The following FGF13 variants were observed in gnomAD, a reference collection of about 807,000 sequenced individuals.
FGF13 encodes fibroblast growth factor 13.
A neutral mutation model predicts 19.5 loss-of-function variants in FGF13; 2 were observed. The ratio of observed to expected loss-of-function variants is 0.10; its 90% CI spans 0.04 to 0.32. FGF13 has a LOEUF of 0.32. Ranked by LOEUF, FGF13 falls within the 10% of genes least tolerant of loss-of-function variation. The pLI is 1.00. For synonymous variants in FGF13, 72 were observed against 76.9 expected (o/e 0.94, Z 0.33); for missense variants, 113 against 192.7 (o/e 0.59, Z 2.45).
intron 3 of FGF13, among the ~76,000 whole-genome samples, chrX:138,753,638 C>T (rs1406089688): frequency 8.9e-6 from 1 of 111,879 alleles, no homozygotes; most frequent in African/African-American, 3.2e-5. Flanking sequence ...GAGTGTAAGA[C>T]TGAACTCTGT....
At chrX:138,665,389 T>C (rs183999098) in intron 3 of FGF13, among the ~76,000 whole-genome samples, 3 of 111,668 alleles carry the variant, frequency 2.7e-5, no homozygotes, top group East Asian at 5.7e-4. Flanking sequence ...ACCAGTGTCC[T>C]TACTGCAAGT....
chrX:138,792,105 C>T (rs1218742043), intron 3 of FGF13, among the ~76,000 whole-genome samples: 1 of 111,799 alleles, frequency 8.9e-6, no homozygotes, highest in Non-Finnish European at 1.9e-5. Flanking sequence ...TACGATCAAT[C>T]TGCTCTATAG....
At chrX:139,110,129 T>C (rs1603205375) in intron 1 of FGF13, among the ~76,000 whole-genome samples, 1 of 111,047 alleles carries the variant, frequency 9.0e-6, no homozygotes, top group East Asian at 2.8e-4. Flanking sequence ...TTTTTGTTTT[T>C]ATGTAAATAT....
chrX:139,139,713 C>A (rs1481643527), intron 1 of FGF13, among the ~76,000 whole-genome samples: 1 of 111,972 alleles, frequency 8.9e-6, no homozygotes, highest in Non-Finnish European at 1.9e-5. Context: ...CAAATACCTA[C>A]TTAGAACTAC....
chrX:138,876,534 C>T (rs1276665479), intron 1 of FGF13, among the ~76,000 whole-genome samples: 1 of 112,135 alleles, frequency 8.9e-6, no homozygotes, highest in African/African-American at 3.2e-5. Context: ...TGGGAAGTCT[C>T]TAGGAGCTCG....
At chrX:139,087,254 C>T (rs1011521507) in intron 1 of FGF13, among the ~76,000 whole-genome samples, 12 of 109,721 alleles carry the variant, frequency 1.1e-4, no homozygotes, top group Non-Finnish European at 2.3e-4. Context: ...CGAGATCGCG[C>T]CATTGCATTC....
At chrX:138,709,322 C>T (rs1156904011) in intron 1 of FGF13, among the ~76,000 whole-genome samples, 3 of 111,866 alleles carry the variant, frequency 2.7e-5, no homozygotes, top group Admixed American at 9.5e-5. Context: ...GTCTGCCAAC[C>T]GACCAAGGAC....
At chrX:138,941,362 C>T (rs2091757485) in intron 1 of FGF13, among the ~76,000 whole-genome samples, 2 of 111,929 alleles carry the variant, frequency 1.8e-5, no homozygotes, top group South Asian at 7.4e-4. Flanking sequence ...CTTTAGCAAA[C>T]TTTCAGGATG....
rs185494178 is a variant in FGF13 at position 138,646,630 on chromosome X, A to G, written c.403-10975T>C. Among the ~76,000 whole-genome samples the G allele has an allele frequency of 8.0e-5, 9 of 112,152 alleles. No homozygotes were observed. The East Asian group carries it at 2.5e-3, about 32-fold the overall frequency. On this transcript the variant is annotated intron_variant, in intron 3 of 4. Coordinates refer to ENST00000315930, the MANE Select transcript of FGF13 (RefSeq NM_004114.5). ...AAAAGTTCACTCTTCTACTGCAAAA[A>G]TACTCACAACTGAGTTTGGGCACAT...
chrX:138,880,233 G>A (rs1231965930), intron 1 of FGF13, among the ~76,000 whole-genome samples: 2 of 111,973 alleles, frequency 1.8e-5, no homozygotes, highest in East Asian at 2.8e-4. Context: ...ACTGTTGATG[G>A]GAGTGTAAAT....
intron 1 of FGF13, among the ~76,000 whole-genome samples, chrX:139,089,419 C>T (rs1000365404): frequency 3.6e-5 from 4 of 112,281 alleles, no homozygotes; most frequent in African/African-American, 6.5e-5. Flanking sequence ...CTTGTGGCCA[C>T]ATTTATGTGG....
chrX:138,957,269 T>C (rs1285944323), intron 1 of FGF13, among the ~76,000 whole-genome samples: 1 of 111,847 alleles, frequency 8.9e-6, no homozygotes, highest in African/African-American at 3.2e-5. Context: ...TCAAAACATA[T>C]AAATGATTTC....
intron 3 of FGF13, among the ~76,000 whole-genome samples, chrX:138,687,274 A>G (rs2089792568): frequency 8.9e-6 from 1 of 112,087 alleles, no homozygotes; most frequent in Non-Finnish European, 1.9e-5. Context: ...AGCAGCATAT[A>G]TAATGAACAC....
intron 1 of FGF13, among the ~76,000 whole-genome samples, chrX:138,983,879 T>C (rs552429615): frequency 1.3e-5 from 1 of 75,496 alleles, no homozygotes; most frequent in Non-Finnish European, 2.6e-5. Flanking sequence ...TTATGAAAGA[T>C]GATTAAGTTC....
At chrX:139,061,482 C>A (rs1030976011) in intron 1 of FGF13, among the ~76,000 whole-genome samples, 2 of 111,532 alleles carry the variant, frequency 1.8e-5, no homozygotes, top group Non-Finnish European at 3.8e-5. Flanking sequence ...TTTGCACATG[C>A]CCACTCTCAC....
At chrX:138,869,461 G>C (rs1490067900) in intron 1 of FGF13, among the ~76,000 whole-genome samples, 1 of 112,460 alleles carries the variant, frequency 8.9e-6, no homozygotes, top group East Asian at 2.8e-4. Context: ...AATTGATCAA[G>C]ACATGAGTCC....
At chrX:139,182,328 G>C (rs2084247238) in intron 1 of FGF13, among the ~76,000 whole-genome samples, 1 of 112,143 alleles carries the variant, frequency 8.9e-6, no homozygotes, top group Non-Finnish European at 1.9e-5. Context: ...ATATGAAACA[G>C]TAAAGCTCAG....
At chrX:138,738,846 T>C (rs2124300594) in intron 1 of FGF13, among the ~76,000 whole-genome samples, 1 of 112,288 alleles carries the variant, frequency 8.9e-6, no homozygotes, top group African/African-American at 3.2e-5. Context: ...TATTCTCTTT[T>C]TTCTTTAGAA....
At chrX:138,929,419 C>G (rs1354462658) in intron 1 of FGF13, among the ~76,000 whole-genome samples, 1 of 110,958 alleles carries the variant, frequency 9.0e-6, no homozygotes, top group Non-Finnish European at 1.9e-5. Flanking sequence ...GATCTAGGGG[C>G]AGGCTGTAAT....
Sources: gnomAD v4.1 joint callset for allele counts (sites outside exome capture counted in the v4.1 genomes callset) on GRCh38, gnomAD v4.1.1 for gene constraint, MANE v1.5 for transcripts, NCBI Gene and HGNC (gene_info 2026-07-23, HGNC 2026-07-21) for gene names.